Variants in CNBD1 observed in about 807,000 individuals in gnomAD.
CNBD1 encodes the protein cyclic nucleotide binding domain containing 1, also known as cyclic nucleotide-binding domain-containing protein 1.
A neutral mutation model predicts 54.4 loss-of-function variants in CNBD1; 71 were observed. The ratio of observed to expected loss-of-function variants is 1.30; its 90% CI spans 1.08 to 1.59. CNBD1 has a LOEUF of 1.59. Ranked by LOEUF, CNBD1 falls within the 40% of genes most tolerant of loss-of-function variation. The pLI is 0.00. For synonymous variants in CNBD1, 182 were observed against 170.7 expected (o/e 1.07, Z -0.51); for missense variants, 659 against 518.0 (o/e 1.27, Z -2.64).
chr8:87,085,491 G>A (rs1811078647), intron 4 of CNBD1, among the ~76,000 whole-genome samples: 1 of 151,844 alleles, frequency 6.6e-6, no homozygotes, highest in African/African-American at 2.4e-5. Flanking sequence ...TTATCATGAG[G>A]GATTGAGCTA....
At chr8:86,947,100 G>C (rs1046968439) in intron 4 of CNBD1, among the ~76,000 whole-genome samples, 1 of 152,124 alleles carries the variant, frequency 6.6e-6, no homozygotes. Context: ...CATGGTCACT[G>C]TTCTCAGTCA....
At chr8:87,287,251 C>T (rs1279370241) in intron 8 of CNBD1, among the ~76,000 whole-genome samples, 1 of 152,138 alleles carries the variant, frequency 6.6e-6, no homozygotes, top group Non-Finnish European at 1.5e-5. Flanking sequence ...GGTATTGAGT[C>T]ATTTTGCATG....
rs923865592 is a variant in CNBD1, at chr8:87,015,387, G to A, written c.431+75633G>A. Among the ~76,000 whole-genome samples, 47 of 151,952 alleles carry A rather than the reference G, an allele frequency of 3.1e-4. 1 individual carries two copies. Among genetic ancestry groups the A allele is most frequent in the African/African-American group, 1.1e-3 (45 of 41,394 alleles). ...TTTTTAGTAGAGACAGGGTTTCATC[G>A]TGTTAGTCAGGATGGTCTCCGTCTC... On this transcript the variant is annotated intron_variant, in intron 4 of 10. Transcript: ENST00000518476.
At chr8:87,251,832 T>C (rs1344172185) in intron 6 of CNBD1, among the ~76,000 whole-genome samples, 1 of 152,190 alleles carries the variant, frequency 6.6e-6, no homozygotes, top group Admixed American at 6.5e-5. Context: ...ACTCATCTCT[T>C]ATATGAATAA....
intron 8 of CNBD1, among the ~76,000 whole-genome samples, chr8:87,309,695 A>G (rs983849404): frequency 6.6e-6 from 1 of 152,122 alleles, no homozygotes; most frequent in African/African-American, 2.4e-5. Context: ...CTACATATAA[A>G]TCTGTATTTA....
chr8:87,352,478 C>CAAAAAAAA (rs386413278), intron 9 of CNBD1, among the ~76,000 whole-genome samples: 4 of 107,432 alleles, frequency 3.7e-5, no homozygotes, highest in African/African-American at 7.7e-5. Context: ...GACTCTGTCT[C>CAAAAAAAA]AAAAAAAAAA....
At chr8:87,113,443 G>A (rs1811704222) in intron 4 of CNBD1, among the ~76,000 whole-genome samples, 1 of 152,126 alleles carries the variant, frequency 6.6e-6, no homozygotes, top group African/African-American at 2.4e-5. Flanking sequence ...AATTTGAAAG[G>A]GTTTAAGCGA....
chr8:87,250,184 G>A (rs559085387), intron 6 of CNBD1, among the ~76,000 whole-genome samples: 5 of 152,168 alleles, frequency 3.3e-5, no homozygotes, highest in Non-Finnish European at 7.4e-5. Flanking sequence ...GCCATTTCTC[G>A]AAACAAGGCA....
chr8:87,207,657 ATTTG>A (rs1291195241), intron 5 of CNBD1, among the ~76,000 whole-genome samples: 1 of 152,124 alleles, frequency 6.6e-6, no homozygotes, highest in Non-Finnish European at 1.5e-5. Flanking sequence ...GTGTTTATTT[ATTTG>A]TTAATATTTG....
intron 4 of CNBD1, among the ~76,000 whole-genome samples, chr8:87,152,240 C>T (rs1812619878): frequency 6.6e-6 from 1 of 151,736 alleles, no homozygotes; most frequent in African/African-American, 2.4e-5. Flanking sequence ...AGTATAGTTA[C>T]AGAGGGAAGG....
chr8:86,949,823 C>A (rs1449076734), intron 4 of CNBD1, among the ~76,000 whole-genome samples: 1 of 151,680 alleles, frequency 6.6e-6, no homozygotes, highest in Non-Finnish European at 1.5e-5. Context: ...CACTTTTTAT[C>A]CCATTCAGTA....
chr8:87,026,661 ACCTT>A (rs928618797), intron 4 of CNBD1, among the ~76,000 whole-genome samples: 2 of 152,186 alleles, frequency 1.3e-5, no homozygotes, highest in Admixed American at 6.5e-5. Context: ...TTTCTTTATA[ACCTT>A]CCTTATCAAA....
chr8:87,372,783 A>T lies in CNBD1; in HGVS notation c.1304-9837A>T, dbSNP rs191630048. Reference sequence around the variant, plus strand: ...ATCACCTCATATATGGCAAATTTTCACTAGATGTCTAGAACAAATTTATTT... The same window carrying T: ...ATCACCTCATATATGGCAAATTTTCTCTAGATGTCTAGAACAAATTTATTT... On this transcript the variant is annotated intron_variant, in intron 10 of 10. Coordinates refer to ENST00000518476, the MANE Select transcript of CNBD1 (RefSeq NM_173538.3). 1.4e-4 allele frequency among the ~76,000 whole-genome samples: 22 copies of T among 151,954 alleles called. No individual in the cohort carries two copies. In the East Asian group the frequency reaches 4.1e-3, roughly 28 times the overall value.
At chr8:87,312,274 A>G (rs906372654) in intron 8 of CNBD1, among the ~76,000 whole-genome samples, 3 of 152,040 alleles carry the variant, frequency 2.0e-5, no homozygotes, top group Admixed American at 2.0e-4. Context: ...CAAGGTTGCA[A>G]TGCTTTCATT....
chr8:87,180,031 G>A lies in CNBD1; in HGVS notation c.432-25962G>A, dbSNP rs192365486. Among the ~76,000 whole-genome samples, 207 of 152,248 alleles carry A rather than the reference G, an allele frequency of 1.4e-3. 1 individual carries two copies. The highest frequency in any genetic ancestry group is 2.2e-4 in the Non-Finnish European group (15 of 68,018). ...ATTTTTTGTATGAAGAGTGAGACATGTAAATAGAAAACGGTATAAAAGAGT... is the reference window on the plus strand; with the variant it reads ...ATTTTTTGTATGAAGAGTGAGACATATAAATAGAAAACGGTATAAAAGAGT... On this transcript the variant is annotated intron_variant, in intron 4 of 10. Coordinates refer to ENST00000518476, the MANE Select transcript of CNBD1 (RefSeq NM_173538.3).
chr8:87,401,168 A>C (rs1197322755), intron 2 of CNBD1, among the ~76,000 whole-genome samples: 2 of 152,052 alleles, frequency 1.3e-5, no homozygotes, highest in African/African-American at 2.4e-5. Flanking sequence ...AGCCAACCAA[A>C]TAAACCCAAA....
Position 87,003,300 on chromosome 8 carries a change from T to G in CNBD1, c.431+63546T>G, listed in dbSNP as rs75189989. Among the ~76,000 whole-genome samples the G allele has an allele frequency of 3.8e-3, 574 of 152,312 alleles. 2 individuals are homozygous for G. The highest frequency in any genetic ancestry group is 0.012 in the African/African-American group (503 of 41,564). On this transcript the variant is annotated intron_variant, in intron 4 of 10. Transcript: ENST00000518476. ...TAAAAATGAATGATAATAAATTGAT[T>G]AAAAGGACAGAATGATTCCTGATTT...
intron 4 of CNBD1, among the ~76,000 whole-genome samples, chr8:86,960,983 A>G (rs765479311): frequency 2.2e-4 from 33 of 152,210 alleles, no homozygotes; most frequent in Non-Finnish European, 4.7e-4. Flanking sequence ...GCAGTTTATG[A>G]CCTTAAAGCC....
chr8:87,181,100 A>G lies in CNBD1; in HGVS notation c.432-24893A>G, dbSNP rs539645421. Among the ~76,000 whole-genome samples, 4 of 152,218 alleles carry G rather than the reference A, an allele frequency of 2.6e-5. No individual in the cohort carries two copies. In the South Asian group the frequency reaches 8.3e-4, roughly 32 times the overall value. On this transcript the variant is annotated intron_variant, in intron 4 of 10. Transcript: ENST00000518476. ...GATAACGTCCTCCCTTACCTCCTTG[A>G]TGTTTTTATCATTATTTTTATATTT...
Sources: gnomAD v4.1 joint callset for allele counts (sites outside exome capture counted in the v4.1 genomes callset) on GRCh38, gnomAD v4.1.1 for gene constraint, MANE v1.5 for transcripts, NCBI Gene and HGNC (gene_info 2026-07-23, HGNC 2026-07-21) for gene names.